Variants in DSCAM observed in about 807,000 individuals in gnomAD.
The protein encoded by DSCAM is DS cell adhesion molecule, also known as cell adhesion molecule DSCAM.
DSCAM carries 47 observed loss-of-function variants against 217.7 expected under a neutral mutation model. The ratio of observed to expected loss-of-function variants is 0.22; its 90% confidence interval spans 0.17 to 0.28. The LOEUF is 0.28. Ranked by LOEUF, DSCAM falls within the 10% of genes least tolerant of loss-of-function variation. The pLI is 1.00. For missense variants in DSCAM, 2,080 were observed against 2,618.3 expected (o/e 0.79, Z 4.49); for synonymous variants, 1,056 against 1,015.3 (o/e 1.04, Z -0.76).
chr21:40,304,111 C>T (rs867017115), intron 9 of DSCAM, among the ~76,000 whole-genome samples: 1 of 152,210 alleles, frequency 6.6e-6, no homozygotes, highest in African/African-American at 2.4e-5. Flanking sequence ...AGATTTGGCT[C>T]TTATTGGCTC....
chr21:40,801,432 A>T (rs183462397), intron 1 of DSCAM, among the ~76,000 whole-genome samples: 1 of 152,256 alleles, frequency 6.6e-6, no homozygotes, highest in African/African-American at 2.4e-5. Flanking sequence ...TTTGCTAAAC[A>T]TATTAGTATG....
At chr21:40,825,394 T>C (rs898159206) in intron 1 of DSCAM, among the ~76,000 whole-genome samples, 6 of 152,036 alleles carry the variant, frequency 3.9e-5, no homozygotes, top group African/African-American at 1.5e-4. Flanking sequence ...CTCAGCTCAC[T>C]GCAACCTCTG....
intron 3 of DSCAM, among the ~76,000 whole-genome samples, chr21:40,613,315 T>C (rs538495433): frequency 5.9e-5 from 9 of 152,222 alleles, no homozygotes; most frequent in Non-Finnish European, 1.0e-4. Context: ...TACATTTGTC[T>C]ATGGTTTGTG....
chr21:40,760,172 T>A (rs1404519981), intron 1 of DSCAM, among the ~76,000 whole-genome samples: 1 of 151,856 alleles, frequency 6.6e-6, no homozygotes, highest in East Asian at 1.9e-4. Flanking sequence ...TTTTGAAATT[T>A]TTTTTCATTT....
At chr21:40,033,136 G>A (rs1397923922) in intron 32 of DSCAM, among the ~76,000 whole-genome samples, 1 of 152,184 alleles carries the variant, frequency 6.6e-6, no homozygotes, top group African/African-American at 2.4e-5. Context: ...AGGCTTCAAG[G>A]TGCCTTTAGA....
At chr21:40,846,243 T>C (rs2092144486) in intron 1 of DSCAM, among the ~76,000 whole-genome samples, 1 of 152,142 alleles carries the variant, frequency 6.6e-6, no homozygotes, top group African/African-American at 2.4e-5. Context: ...TGCGTGCACT[T>C]GGAATGTCAC....
intron 16 of DSCAM, among the ~76,000 whole-genome samples, chr21:40,147,501 A>G (rs982944629): frequency 6.6e-6 from 1 of 152,220 alleles, no homozygotes; most frequent in Non-Finnish European, 1.5e-5. Flanking sequence ...TTCTTAGAAG[A>G]ACTACATTTC....
intron 11 of DSCAM, among the ~76,000 whole-genome samples, chr21:40,234,391 G>T (rs1031003490): frequency 2.0e-5 from 3 of 152,212 alleles, no homozygotes; most frequent in African/African-American, 7.2e-5. Flanking sequence ...TTCAGAGGCT[G>T]ATGCAAGGAT....
intron 3 of DSCAM, among the ~76,000 whole-genome samples, chr21:40,493,599 C>T (rs2076093170): frequency 6.6e-6 from 1 of 151,780 alleles, no homozygotes; most frequent in Non-Finnish European, 1.5e-5. Flanking sequence ...TGGTGGCTCA[C>T]ACCTGTAATC....
chr21:40,778,676 T>C (rs2091511414), intron 1 of DSCAM, among the ~76,000 whole-genome samples: 1 of 152,164 alleles, frequency 6.6e-6, no homozygotes, highest in Admixed American at 6.6e-5. Context: ...TGATAAAGTG[T>C]GACAAATAGA....
At chr21:40,578,623 T>C (rs953925434) in intron 3 of DSCAM, among the ~76,000 whole-genome samples, 7 of 152,166 alleles carry the variant, frequency 4.6e-5, no homozygotes, top group Non-Finnish European at 7.3e-5. Context: ...TGTGGTACCT[T>C]TGTTCTTTTG....
intron 3 of DSCAM, among the ~76,000 whole-genome samples, chr21:40,653,577 C>G (rs983957607): frequency 6.6e-6 from 1 of 152,120 alleles, no homozygotes. Context: ...GAAGGCCACA[C>G]CCTCTCTACT....
chr21:40,167,171 C>T (rs181762243), intron 16 of DSCAM, 47 bp downstream of exon 16: 14 of 1,560,690 alleles, frequency 9.0e-6, no homozygotes, highest in East Asian at 2.2e-5. Flanking sequence ...GTGAAGGGCT[C>T]GCCCTGGGGG....
chr21:40,042,773 A>T, intron 31 of DSCAM, 100 bp from the exon 32 acceptor site: 2 of 1,173,400 alleles, frequency 1.7e-6, no homozygotes, highest in Non-Finnish European at 2.4e-6. Flanking sequence ...CTTCCAGATC[A>T]TGGTGGGACC....
rs557001250 is a variant in DSCAM, at chr21:40,464,429, T to C, written c.509-95184A>G. Among the ~76,000 whole-genome samples the C allele has an allele frequency of 7.0e-4, 107 of 152,310 alleles. 1 individual carries two copies. The highest frequency in any genetic ancestry group is 2.5e-3 in the African/African-American group (104 of 41,576). The stretch of plus-strand genomic sequence containing the variant: ...AAGGTAGAAACTGTTCACAGTCACT[T>C]AAATGTAAGGTTCCCAAAGCTGAGC... On this transcript the variant is annotated intron_variant, in intron 3 of 32. Coordinates refer to ENST00000400454, the MANE Select transcript of DSCAM (RefSeq NM_001389.5).
intron 10 of DSCAM, among the ~76,000 whole-genome samples, chr21:40,284,959 T>C (rs2073807072): frequency 6.6e-6 from 1 of 152,222 alleles, no homozygotes; most frequent in Admixed American, 6.5e-5. Flanking sequence ...TAGATTAGTG[T>C]CTAATCAGGA....
At chr21:40,708,896 A>C (rs2090746697) in intron 1 of DSCAM, 125 bp from the exon 2 acceptor site, 3 of 634,826 alleles carry the variant, frequency 4.7e-6, no homozygotes, top group Non-Finnish European at 7.1e-6. Flanking sequence ...AAATAAAACC[A>C]AATAATTCAA....
At chr21:40,105,280 T>C (rs11702531) in intron 20 of DSCAM, among the ~76,000 whole-genome samples, 15,236 of 152,154 alleles carry the variant, frequency 0.1, 827 homozygotes, top group Non-Finnish European at 0.13. Context: ...AACTGAAATA[T>C]AGCTTCAACA....
chr21:40,703,352 C>CA (rs1433268442), intron 2 of DSCAM, among the ~76,000 whole-genome samples: 1 of 151,990 alleles, frequency 6.6e-6, no homozygotes, highest in South Asian at 2.1e-4. Context: ...TCCATCTCTA[C>CA]AAAAATAAAA....
Sources: allele counts gnomAD v4.1 joint callset (sites outside exome capture counted in the v4.1 genomes callset), GRCh38; gene constraint gnomAD v4.1.1; transcripts MANE v1.5; gene names NCBI Gene and HGNC (gene_info 2026-07-23, HGNC 2026-07-21).